IPO11: variants seen among roughly 807,000 people sequenced by gnomAD.
IPO11 encodes importin-11.
Under a neutral mutation model 143.2 loss-of-function variants are expected in IPO11, and 66 were observed. The observed-to-expected ratio is 0.46, with a 90% CI of 0.38 to 0.57. IPO11 has a LOEUF of 0.57. Ranked by LOEUF, IPO11 falls within the 20% of genes least tolerant of loss-of-function variation. The pLI is 0.00. For synonymous variants in IPO11, 385 were observed against 377.8 expected (o/e 1.02, Z -0.22); for missense variants, 1,026 against 1,141.0 (o/e 0.90, Z 1.45).
intron 16 of IPO11, among the ~76,000 whole-genome samples, chr5:62,503,399 TATTAATA>T (rs1741422332): frequency 6.8e-6 from 1 of 147,422 alleles, no homozygotes; most frequent in African/African-American, 2.5e-5. Context: ...TCTATTAATA[TATTAATA>T]GTATCTATTA....
chr5:62,439,967 T>A (rs1744406125), intron 2 of IPO11, among the ~76,000 whole-genome samples: 2 of 152,340 alleles, frequency 1.3e-5, no homozygotes, highest in Non-Finnish European at 2.9e-5. Flanking sequence ...TGACTTTTCT[T>A]ATTTTTGTAA....
chr5:62,415,904 A>T (rs1487912955), intron 1 of IPO11, among the ~76,000 whole-genome samples: 1 of 152,182 alleles, frequency 6.6e-6, no homozygotes, highest in Admixed American at 6.5e-5. Flanking sequence ...CTCTAATGAT[A>T]TTCTGAGTTT....
intron 15 of IPO11, among the ~76,000 whole-genome samples, chr5:62,490,943 T>C (rs140563562): frequency 1.1e-4 from 16 of 152,318 alleles, no homozygotes; most frequent in African/African-American, 3.8e-4. Context: ...ACGTTTTATA[T>C]ACATTTAAGC....
intron 5 of IPO11, among the ~76,000 whole-genome samples, chr5:62,455,990 G>T (rs982905109): frequency 6.6e-6 from 1 of 152,124 alleles, no homozygotes; most frequent in African/African-American, 2.4e-5. Flanking sequence ...CTCCCAAAGT[G>T]CTGGGATTAC....
rs186262780 is a variant in IPO11, at chr5:62,585,131, T to C, written c.2583-6446T>C. On this transcript the variant is annotated intron_variant, in intron 27 of 29. Coordinates refer to ENST00000325324, the MANE Select transcript of IPO11 (RefSeq NM_016338.5). ...CTAGCCTGTTGTTAGTATGTATCTT[T>C]GGCTTTGGGCAACCTTATTGCTTTT... Among the ~76,000 whole-genome samples, 5 of 152,344 alleles carry C rather than the reference T, an allele frequency of 3.3e-5. No homozygotes were observed. In the East Asian group the frequency reaches 9.6e-4, roughly 29 times the overall value.
chr5:62,496,169 TC>T (rs778134250), intron 16 of IPO11, among the ~76,000 whole-genome samples: 1 of 151,848 alleles, frequency 6.6e-6, no homozygotes, highest in Non-Finnish European at 1.5e-5. Flanking sequence ...GCGCCTGTAG[TC>T]CCAGTTACTT....
In IPO11 at chr5:62,451,809, C is replaced by T. The variant is rs1744936263; in HGVS notation, c.392C>T (p.Thr131Ile). Reference sequence around the variant, plus strand: ...AGACAGTGGCCTGAACTAATTCCCACTCTTATAGAGTCTGTTAAAGTCCAG... The same window carrying T: ...AGACAGTGGCCTGAACTAATTCCCATTCTTATAGAGTCTGTTAAAGTCCAG... ...CPRQWPELIP[T>I]LIESVKVQDD... Residue 131 changes from threonine to isoleucine, a missense_variant, in exon 5 of 30, where the codon ACT becomes ATT. Transcript: ENST00000325324. 1 of 1,614,092 alleles carries T rather than the reference C, an allele frequency of 6.2e-7. No homozygotes were observed. The highest frequency in any genetic ancestry group is 8.5e-7 in the Non-Finnish European group (1 of 1,179,930).
chr5:62,591,510 GAA>G, intron 27 of IPO11, 65 bp from the exon 28 acceptor site: 2 of 789,766 alleles, frequency 2.5e-6, no homozygotes, highest in South Asian at 1.9e-5. Flanking sequence ...AGATGTTTAG[GAA>G]AAAAAAAACA....
At chr5:62,551,771 A>C (rs569026182) in intron 26 of IPO11, among the ~76,000 whole-genome samples, 42 of 152,230 alleles carry the variant, frequency 2.8e-4, no homozygotes, top group Non-Finnish European at 5.6e-4. Context: ...TATTTTTAAA[A>C]ATTGTAGTTG....
intron 1 of IPO11, among the ~76,000 whole-genome samples, chr5:62,437,052 A>G (rs1050021266): frequency 1.3e-5 from 2 of 152,160 alleles, no homozygotes; most frequent in Admixed American, 1.3e-4. Flanking sequence ...ACAATGAAAG[A>G]GAGTTTCCTT....
intron 6 of IPO11, among the ~76,000 whole-genome samples, chr5:62,469,806 C>T (rs1370498020): frequency 6.6e-6 from 1 of 152,066 alleles, no homozygotes; most frequent in Non-Finnish European, 1.5e-5. Context: ...GTAGTTGATT[C>T]CAAATTTGGA....
At chr5:62,598,376 TTTGCTTGCTTGCTTGC>T (rs142923802) in intron 28 of IPO11, among the ~76,000 whole-genome samples, 7 of 16,372 alleles carry the variant, frequency 4.3e-4, no homozygotes, top group East Asian at 9.6e-4. Context: ...CCATAAATTG[TTTGCTTGCTTGCTTGC>T]TTTCTTTCTT....
intron 27 of IPO11, among the ~76,000 whole-genome samples, chr5:62,577,285 G>T (rs1368313032): frequency 6.6e-6 from 1 of 152,070 alleles, no homozygotes; most frequent in East Asian, 1.9e-4. Context: ...TGTGAGAAGT[G>T]AGATTTTATT....
intron 22 of IPO11, among the ~76,000 whole-genome samples, chr5:62,533,235 G>C (rs1243328977): frequency 6.9e-6 from 1 of 145,606 alleles, no homozygotes; most frequent in Non-Finnish European, 1.5e-5. Context: ...TTTTGAGATG[G>C]AGTTTCACTC....
At chr5:62,487,313 T>C (rs1214666601) in intron 12 of IPO11, among the ~76,000 whole-genome samples, 2 of 152,090 alleles carry the variant, frequency 1.3e-5, no homozygotes, top group Non-Finnish European at 2.9e-5. Context: ...GGGGAATCGC[T>C]TGAACCTGGG....
At chr5:62,579,267 A>G (rs1455123045) in intron 27 of IPO11, 9 of 643,734 alleles carry the variant, frequency 1.4e-5, no homozygotes, top group African/African-American at 1.1e-4. Flanking sequence ...ATTTTTTGCT[A>G]TTACCATGGT....
chr5:62,579,769 T>C, intron 27 of IPO11: 1 of 1,543,014 alleles, frequency 6.5e-7, no homozygotes, highest in Non-Finnish European at 8.8e-7. Context: ...GAGGCATCTA[T>C]ATTTTCTATT....
chr5:62,452,602 G>T (rs375643039), intron 5 of IPO11, among the ~76,000 whole-genome samples: 2 of 150,880 alleles, frequency 1.3e-5, no homozygotes, highest in African/African-American at 5.0e-5. Context: ...GGAGTTTGAC[G>T]TAAGTAGGGA....
chr5:62,533,215 CTT>C (rs67146609), intron 22 of IPO11, among the ~76,000 whole-genome samples: 1 of 22,894 alleles, frequency 4.4e-5, no homozygotes, highest in Non-Finnish European at 1.2e-4. Context: ...TTTCTTTCTT[CTT>C]TTTTTTTTTT....
Sources: gnomAD v4.1 joint callset for allele counts (sites outside exome capture counted in the v4.1 genomes callset) on GRCh38, gnomAD v4.1.1 for gene constraint, MANE v1.5 for transcripts, NCBI Gene and HGNC (gene_info 2026-07-23, HGNC 2026-07-21) for gene names.